The following PDHX variants were observed in gnomAD, a reference collection of about 807,000 sequenced individuals.
The protein encoded by PDHX is pyruvate dehydrogenase complex component X.
Under a neutral mutation model 55.3 loss-of-function variants are expected in PDHX, and 33 were observed. The observed-to-expected ratio is 0.60, with a 90% CI of 0.45 to 0.80. The LOEUF (loss-of-function observed/expected upper bound fraction) is 0.80. Ranked by LOEUF, PDHX falls within the 30% of genes least tolerant of loss-of-function variation. PDHX has a pLI of 0.00. For synonymous variants in PDHX, 226 were observed against 219.4 expected, an observed-to-expected ratio of 1.03 and a Z score of -0.27; for missense variants, 622 against 619.9, an observed-to-expected ratio of 1.00 and a Z score of -0.04.
chr11:34,995,348 A>G lies in PDHX; in HGVS notation c.*176A>G. The G allele has an allele frequency of 4.8e-6, 3 of 625,630 alleles. No individual in the cohort carries two copies. Among genetic ancestry groups the G allele is most frequent in the East Asian group, 2.9e-5 (1 of 33,980 alleles). The allele number at this position is 625,630 out of a possible 1,614,324, so 38.8% of individuals were successfully genotyped here. ...TCATCTTCAATTTGGGTTTAATGTT[A>G]TAGAAATAAATGATGATAAACTCTA... On this transcript the variant is annotated 3_prime_UTR_variant, in exon 11 of 11. Transcript: ENST00000227868.
At chr11:34,957,632 C>A (rs1456027677) in intron 4 of PDHX, 49 bp downstream of exon 4, 1 of 1,399,644 alleles carries the variant, frequency 7.1e-7, no homozygotes, top group Non-Finnish European at 1.0e-6. Context: ...AAAGTTATGG[C>A]AGTTCTTATG....
At chr11:34,965,429 G>T (rs1204283112) in intron 5 of PDHX, among the ~76,000 whole-genome samples, 4 of 152,130 alleles carry the variant, frequency 2.6e-5, no homozygotes, top group African/African-American at 9.7e-5. Flanking sequence ...TTCCAGGAAG[G>T]CCTAATTTCT....
chr11:34,981,804 G>A (rs556380136), intron 8 of PDHX, among the ~76,000 whole-genome samples: 76 of 152,304 alleles, frequency 5.0e-4, no homozygotes, highest in African/African-American at 1.8e-3. Flanking sequence ...GTCTTCTTTT[G>A]AGAAGTGTCT....
At chr11:34,922,974 G>C (rs1853928826) in intron 1 of PDHX, among the ~76,000 whole-genome samples, 1 of 151,776 alleles carries the variant, frequency 6.6e-6, no homozygotes, top group Non-Finnish European at 1.5e-5. Flanking sequence ...AAAGTAAAGT[G>C]AACTTCATGT....
chr11:34,928,297 A>G (rs897819472), intron 1 of PDHX, among the ~76,000 whole-genome samples: 1 of 151,962 alleles, frequency 6.6e-6, no homozygotes, highest in Non-Finnish European at 1.5e-5. Context: ...TATAAATGTA[A>G]TATGTATATA....
chr11:34,957,461 T>A lies in PDHX; in HGVS notation c.420T>A (p.His140Gln). Residue 140 changes from histidine to glutamine, a missense_variant, in exon 4 of 11, where the codon CAT becomes CAA. His to Gln is a conservative substitution (Grantham distance 24). Transcript: ENST00000227868. ...TAGAAGAAGGAGAAGATTGGAAACA[T>A]GTTGAAATTCCCAAAGACGTAGGTC... ...LIVEEGEDWK[H>Q]VEIPKDVGPP... 1.2e-6 allele frequency: 2 copies of A among 1,613,796 alleles called. No individual in the cohort carries two copies. The highest frequency in any genetic ancestry group is 1.7e-6 in the Non-Finnish European group (2 of 1,179,746).
upstream of PDHX, chr11:34,916,500 G>C: frequency 6.8e-7 from 1 of 1,461,034 alleles, no homozygotes; most frequent in Non-Finnish European, 9.0e-7. Flanking sequence ...AGGCCAACGT[G>C]GTTGGAGGCG....
At chr11:34,984,765 G>A (rs1217848100) in intron 9 of PDHX, 37 bp downstream of exon 9, 2 of 1,593,896 alleles carry the variant, frequency 1.3e-6, no homozygotes, top group Non-Finnish European at 1.7e-6. Context: ...CAAAATGTTA[G>A]CATATACTTT....
At chr11:34,935,815 G>C (rs1017475040) in intron 2 of PDHX, among the ~76,000 whole-genome samples, 3 of 152,220 alleles carry the variant, frequency 2.0e-5, no homozygotes, top group Non-Finnish European at 4.4e-5. Flanking sequence ...GAATAACATG[G>C]TCTGGGGAGG....
chr11:34,935,778 G>A (rs1278190988), intron 2 of PDHX, among the ~76,000 whole-genome samples: 1 of 152,212 alleles, frequency 6.6e-6, no homozygotes, highest in Non-Finnish European at 1.5e-5. Flanking sequence ...AAAAGGGAAA[G>A]AAAGAAGGGA....
At chr11:34,993,404 T>A (rs1855795514) in intron 10 of PDHX, among the ~76,000 whole-genome samples, 1 of 151,956 alleles carries the variant, frequency 6.6e-6, no homozygotes. Flanking sequence ...CTCTTCTGTG[T>A]TATCTTCTAA....
At chr11:34,953,847 G>C (rs933467047) in intron 3 of PDHX, among the ~76,000 whole-genome samples, 1 of 152,164 alleles carries the variant, frequency 6.6e-6, no homozygotes, top group African/African-American at 2.4e-5. Context: ...TACCTCAGAA[G>C]GTTGTTAGGA....
At chr11:34,936,645 TG>T (rs1452267266) in intron 2 of PDHX, among the ~76,000 whole-genome samples, 6 of 152,088 alleles carry the variant, frequency 3.9e-5, no homozygotes, top group Non-Finnish European at 8.8e-5. Context: ...GGGGACATAA[TG>T]GCTGTAAGAT....
At chr11:34,989,550 T>C (rs1009235487) in intron 9 of PDHX, among the ~76,000 whole-genome samples, 1 of 152,086 alleles carries the variant, frequency 6.6e-6, no homozygotes, top group African/African-American at 2.4e-5. Flanking sequence ...GCAGGAGTAG[T>C]CTTTTTGAAA....
At chr11:34,926,180 A>G (rs926294559) in intron 1 of PDHX, among the ~76,000 whole-genome samples, 1 of 152,220 alleles carries the variant, frequency 6.6e-6, no homozygotes, top group African/African-American at 2.4e-5. Flanking sequence ...AAAAAATACT[A>G]TAACTGCCTT....
intron 5 of PDHX, among the ~76,000 whole-genome samples, chr11:34,965,186 A>T (rs1855105801): frequency 6.6e-6 from 1 of 152,184 alleles, no homozygotes; most frequent in African/African-American, 2.4e-5. Flanking sequence ...CTGGGGACTC[A>T]TGTGAAGCTT....
intron 1 of PDHX, among the ~76,000 whole-genome samples, chr11:34,929,354 C>G (rs1031798285): frequency 6.6e-6 from 1 of 152,170 alleles, no homozygotes; most frequent in African/African-American, 2.4e-5. Flanking sequence ...CCTCAGCCCC[C>G]CAAATAGCTG....
intron 4 of PDHX, among the ~76,000 whole-genome samples, chr11:34,959,207 A>G (rs1319842516): frequency 1.3e-5 from 2 of 152,012 alleles, no homozygotes; most frequent in African/African-American, 4.8e-5. Flanking sequence ...ATAATTGTGT[A>G]TACATACAAT....
chr11:34,986,205 G>A (rs1021860493), intron 9 of PDHX, among the ~76,000 whole-genome samples: 4 of 151,654 alleles, frequency 2.6e-5, no homozygotes, highest in Admixed American at 6.6e-5. Flanking sequence ...TTCGCGTGAC[G>A]GAGGCATGAG....
Sources: gnomAD v4.1 joint callset for allele counts (sites outside exome capture counted in the v4.1 genomes callset) on GRCh38, gnomAD v4.1.1 for gene constraint, MANE v1.5 for transcripts, NCBI Gene and HGNC (gene_info 2026-07-23, HGNC 2026-07-21) for gene names.